Variants in GALR2 observed in about 807,000 individuals in gnomAD.
GALR2 encodes the protein galanin receptor 2.
Under a neutral mutation model 7.2 loss-of-function variants are expected in GALR2, and 5 were observed. The ratio of observed to expected loss-of-function variants is 0.69; its 90% CI spans 0.36 to 1.45. The LOEUF (loss-of-function observed/expected upper bound fraction) is 1.45, where lower values mean the gene tolerates loss of function less well. GALR2 is among the 40% of genes most tolerant of loss of function. GALR2 has a pLI of 0.03. For synonymous variants in GALR2, 300 were observed against 263.9 expected, an observed-to-expected ratio of 1.14 and a Z score of -1.32; for missense variants, 561 against 555.7, an observed-to-expected ratio of 1.01 and a Z score of -0.10.
chr17:76,072,706 G>A, upstream of GALR2: 2 of 870,420 alleles, frequency 2.3e-6, no homozygotes, highest in Non-Finnish European at 3.3e-6. The surrounding 1 kb of genome is among the most constrained non-coding windows in gnomAD (Gnocchi z 4.5). Flanking sequence ...GGGACTTGAG[G>A]CCGCAGTGAG....
chr17:76,077,377 G>A lies in GALR2; in HGVS notation c.1110G>A (p.Pro370=). The A allele has an allele frequency of 6.7e-7, 1 of 1,483,274 alleles. No individual in the cohort carries two copies. Among genetic ancestry groups the A allele is most frequent in the Non-Finnish European group, 8.9e-7 (1 of 1,126,238 alleles). The allele number at this position is 1,483,274 out of a possible 1,614,324, so 91.9% of individuals were successfully genotyped here. The change falls in exon 2 of 2, where the codon CCG becomes CCA. Residue 370 remains proline, a synonymous_variant. Coordinates refer to ENST00000329003, the MANE Select transcript of GALR2 (RefSeq NM_003857.4). ...GCATCCTCGAGCCCTGTCCTGGCCCGTCCTGGCAGGGCCCAAAGGCAGGCG... is the reference window on the plus strand; with the variant it reads ...GCATCCTCGAGCCCTGTCCTGGCCCATCCTGGCAGGGCCCAAAGGCAGGCG... The part of the protein sequence containing the change: ...QPCILEPCPG[P]SWQGPKAGDS...
upstream of GALR2, among the ~76,000 whole-genome samples, chr17:76,073,034 G>T (rs1214676993): frequency 2.0e-5 from 3 of 152,224 alleles, no homozygotes; most frequent in Non-Finnish European, 4.4e-5. Context: ...TCCTAACGGG[G>T]TGACTTTCTC....
rs2066879584 is a variant in GALR2 at position 76,074,831 on chromosome 17, G to T, written c.-53G>T. On this transcript the variant is annotated 5_prime_UTR_variant, in exon 1 of 2. Coordinates refer to ENST00000329003, the MANE Select transcript of GALR2 (RefSeq NM_003857.4). This position sits in a 1 kb window ranked among gnomAD's most constrained non-coding sequence, Gnocchi z 6.7. ...CCGCAGCCCCGGGAGCTTCCCGCTC[G>T]CGGAGACCCAGACGGCTGCAGGAGC... 4 of 1,438,418 alleles carry T rather than the reference G, an allele frequency of 2.8e-6. No homozygotes were observed. The highest frequency in any genetic ancestry group is 2.7e-6 in the Non-Finnish European group (3 of 1,102,268). 89.1% of individuals were successfully genotyped at this position (1,438,418 alleles called of 1,614,324 possible).
At position 76,077,364 on chromosome 17, in the gene GALR2, C is replaced by G. The variant is rs961060355; in HGVS notation, c.1097C>G (p.Pro366Arg). ...PGASQPCILEPCPGPSWQGPK... is the reference protein window; with the variant it reads ...PGASQPCILERCPGPSWQGPK... ...GCTTCCCAGCCATGCATCCTCGAGC[C>G]CTGTCCTGGCCCGTCCTGGCAGGGC... The change falls in exon 2 of 2, where the codon CCC becomes CGC. Residue 366 changes from proline (P) to arginine (R), a missense_variant. Transcript: ENST00000329003. 2.0e-6 allele frequency: 3 copies of G among 1,511,746 alleles called. No individual in the cohort carries two copies. Among genetic ancestry groups the G allele is most frequent in the Non-Finnish European group, 2.6e-6 (3 of 1,136,834 alleles). The allele number at this position is 1,511,746 out of a possible 1,614,324, so 93.6% of individuals were successfully genotyped here.
rs775115025 is a variant in GALR2, at chr17:76,076,650, G to T, written c.383G>T (p.Arg128Leu). 11 of 1,585,152 alleles carry T rather than the reference G, an allele frequency of 6.9e-6. No individual in the cohort carries two copies. The highest frequency in any genetic ancestry group is 9.4e-6 in the Non-Finnish European group (11 of 1,170,168). ...TCTGACCGCAGGTATCTGGCCATCC[G>T]CTACCCGCTGCACTCCCGCGAGCTG... ...AVSLDRYLAI[R>L]YPLHSRELRT... The change falls in exon 2 of 2, where the codon CGC (arginine) becomes CTC (leucine). Residue 128 changes from arginine (R) to leucine (L), a missense_variant. Coordinates refer to ENST00000329003, the MANE Select transcript of GALR2 (RefSeq NM_003857.4). This position sits in a 1 kb window ranked among gnomAD's most constrained non-coding sequence, Gnocchi z 6.5.
Position 76,076,706 on chromosome 17 carries a change from G to T in GALR2, c.439G>T (p.Gly147Trp), listed in dbSNP as rs778464924. Residue 147 changes from glycine (G) to tryptophan (W), a missense_variant, in exon 2 of 2, where the codon GGG becomes TGG. By Grantham distance (184) the Gly-to-Trp change is radical. Coordinates refer to ENST00000329003, the MANE Select transcript of GALR2 (RefSeq NM_003857.4). The surrounding 1 kb of genome is among the most constrained non-coding windows in gnomAD (Gnocchi z 6.5). ...RTPRNALAAI[G>W]LIWGLSLLFS... is the part of the protein sequence containing the mutation. ...GCCTCGAAACGCGCTGGCAGCCATC[G>T]GGCTCATCTGGGGGCTGTCGCTGCT... 3 of 1,603,290 alleles carry T rather than the reference G, an allele frequency of 1.9e-6. No homozygotes were observed. Among genetic ancestry groups the T allele is most frequent in the Non-Finnish European group, 2.5e-6 (3 of 1,179,334 alleles).
rs140309278 is a variant in GALR2 at position 76,077,080 on chromosome 17, T to C, written c.813T>C (p.Tyr271=). Residue 271 remains tyrosine (Y), a synonymous_variant, in exon 2 of 2, where the codon TAT becomes TAC. Transcript: ENST00000329003. ...FGQFPLTRAT[Y]ALRILSHLVS... is the part of the protein sequence containing the mutation. ...AGTTCCCGCTCACGCGCGCCACTTA[T>C]GCGCTTCGCATCCTCTCGCACCTGG... is the stretch of plus-strand genomic sequence containing the variant. 19 of 1,612,946 alleles carry C rather than the reference T, an allele frequency of 1.2e-5. No individual in the cohort carries two copies. The highest frequency in any genetic ancestry group is 2.2e-5 in the East Asian group (1 of 44,896).
chr17:76,074,402 G>T (rs2066877231), upstream of GALR2, among the ~76,000 whole-genome samples: 1 of 152,208 alleles, frequency 6.6e-6, no homozygotes, highest in Non-Finnish European at 1.5e-5. The surrounding 1 kb of genome is among the most constrained non-coding windows in gnomAD (Gnocchi z 6.7). Flanking sequence ...GACGGTCCCG[G>T]GATATCCTGC....
In GALR2 at chr17:76,077,451, T is replaced by A. The variant is rs1440897054; in HGVS notation, c.*20T>A. 5 of 1,441,274 alleles carry A rather than the reference T, an allele frequency of 3.5e-6. No homozygotes were observed. The highest frequency in any genetic ancestry group is 4.5e-6 in the Non-Finnish European group (5 of 1,102,662). 89.3% of individuals were successfully genotyped at this position (1,441,274 alleles called of 1,614,324 possible). On this transcript the variant is annotated 3_prime_UTR_variant, in exon 2 of 2. Coordinates refer to ENST00000329003, the MANE Select transcript of GALR2 (RefSeq NM_003857.4). The stretch of plus-strand genomic sequence containing the variant: ...GCCTGAAAGCACTTAGCGGGCGCGC[T>A]GGGATGTCACAGAGTTGGAGTCATT...
chr17:76,072,487 G>A (rs1228286844), upstream of GALR2: 2 of 1,583,364 alleles, frequency 1.3e-6, no homozygotes, highest in African/African-American at 2.7e-5. The surrounding 1 kb of genome is among the most constrained non-coding windows in gnomAD (Gnocchi z 4.5). Context: ...CTTCTCAGCA[G>A]CCATCTTGCC....
upstream of GALR2, among the ~76,000 whole-genome samples, chr17:76,073,154 G>A (rs2066869297): frequency 6.6e-6 from 1 of 152,172 alleles, no homozygotes; most frequent in South Asian, 2.1e-4. Context: ...TCTAGAGTCT[G>A]AGACCTGGGA....
upstream of GALR2, chr17:76,072,531 C>G (rs1424422790): frequency 6.4e-7 from 1 of 1,559,228 alleles, no homozygotes; most frequent in Non-Finnish European, 8.6e-7. The surrounding 1 kb of genome is among the most constrained non-coding windows in gnomAD (Gnocchi z 4.5). Flanking sequence ...ATAGGGGAGG[C>G]GGGACGACCT....
chr17:76,071,978 GGCTCAAGGTGCCAAAGCAAGGT>G, upstream of GALR2: 1 of 444,114 alleles, frequency 2.3e-6, no homozygotes, highest in Non-Finnish European at 4.0e-6. The surrounding 1 kb of genome is among the most constrained non-coding windows in gnomAD (Gnocchi z 4.7). Flanking sequence ...CCAGTTCAGT[GGCTCAAGGTGCCAAAGCAAGGT>G]GCTCAAGGTG....
In GALR2 at chr17:76,077,443, G is replaced by A. The variant is rs1326518833; in HGVS notation, c.*12G>A. The A allele has an allele frequency of 1.4e-6, 2 of 1,442,422 alleles. No individual in the cohort carries two copies. The highest frequency in any genetic ancestry group is 1.8e-6 in the Non-Finnish European group (2 of 1,103,304). The allele number at this position is 1,442,422 out of a possible 1,614,324, so 89.4% of individuals were successfully genotyped here. ...TTGATGTGGCCTGAAAGCACTTAGC[G>A]GGCGCGCTGGGATGTCACAGAGTTG... is the stretch of plus-strand genomic sequence containing the variant. On this transcript the variant is annotated 3_prime_UTR_variant, in exon 2 of 2. Coordinates refer to ENST00000329003, the MANE Select transcript of GALR2 (RefSeq NM_003857.4).
chr17:76,072,148 AC>A (rs3837793), upstream of GALR2: 796 of 1,263,310 alleles, frequency 6.3e-4, 3 homozygotes, highest in Admixed American at 1.3e-3. This position sits in a 1 kb window ranked among gnomAD's most constrained non-coding sequence, Gnocchi z 4.5. Context: ...CGAGAGACAG[AC>A]CCCCCCCGGA....
Position 76,076,514 on chromosome 17 carries a change from G to C in GALR2, c.369-122G>C. ...CCTCACCCCCACCTCCTCTGTGTGC[G>C]GTGTAACCATGCGCTAAGGACCTTC... On this transcript the variant is annotated intron_variant, in intron 1 of 1. Coordinates refer to ENST00000329003, the MANE Select transcript of GALR2 (RefSeq NM_003857.4). The surrounding 1 kb of genome is among the most constrained non-coding windows in gnomAD (Gnocchi z 6.5). 1 of 637,370 alleles carries C rather than the reference G, an allele frequency of 1.6e-6. No homozygotes were observed. The highest frequency in any genetic ancestry group is 2.7e-6 in the Non-Finnish European group (1 of 373,438). The allele number at this position is 637,370 out of a possible 1,614,324, so 39.5% of individuals were successfully genotyped here.
chr17:76,072,069 G>GAT, upstream of GALR2: 2 of 711,880 alleles, frequency 2.8e-6, no homozygotes, highest in Non-Finnish European at 4.4e-6. This position sits in a 1 kb window ranked among gnomAD's most constrained non-coding sequence, Gnocchi z 4.5. Context: ...AAACCTGCCT[G>GAT]ATATCCCAGT....
chr17:76,075,545 G>A lies in GALR2; in HGVS notation c.368+294G>A, dbSNP rs1020127889. Among the ~76,000 whole-genome samples, 1 of 152,220 alleles carries A rather than the reference G, an allele frequency of 6.6e-6. No homozygotes were observed. The highest frequency in any genetic ancestry group is 6.5e-5 in the Admixed American group (1 of 15,288). ...CGACGCGTTTGTGCGCGTTCATCTC[G>A]CTTGAGCTTAATGCCCTCCGTGAGG... On this transcript the variant is annotated intron_variant, in intron 1 of 1. Transcript: ENST00000329003. The surrounding 1 kb of genome is among the most constrained non-coding windows in gnomAD (Gnocchi z 5.9).
rs2066888756 is a variant in GALR2, at chr17:76,076,447, T to C, written c.369-189T>C. On this transcript the variant is annotated intron_variant, in intron 1 of 1. Transcript: ENST00000329003. The surrounding 1 kb of genome is among the most constrained non-coding windows in gnomAD (Gnocchi z 6.5). ...CCATTTCCAGGCTCCGCTGAGTGTC[T>C]GGGACACGCTGGGAGGCCCCCACCT... 6.6e-6 allele frequency among the ~76,000 whole-genome samples: 1 copy of C among 152,072 alleles called. No individual in the cohort carries two copies. The highest frequency in any genetic ancestry group is 2.1e-4 in the South Asian group (1 of 4,828).
Sources: gnomAD v4.1 joint callset for allele counts (sites outside exome capture counted in the v4.1 genomes callset) on GRCh38, gnomAD v4.1.1 for gene constraint, Gnocchi (gnomAD v3.1) non-coding constraint, MANE v1.5 for transcripts, NCBI Gene and HGNC (gene_info 2026-07-23, HGNC 2026-07-21) for gene names.